PPP2R2B: variants seen among roughly 807,000 people sequenced by gnomAD.
PPP2R2B encodes protein phosphatase 2 regulatory subunit Bbeta.
Under a neutral mutation model 46.0 loss-of-function variants are expected in PPP2R2B, and 5 were observed. The observed-to-expected ratio is 0.11, with a 90% confidence interval of 0.06 to 0.23. The LOEUF (loss-of-function observed/expected upper bound fraction) is 0.23. Ranked by LOEUF, PPP2R2B falls within the 10% of genes least tolerant of loss-of-function variation. The probability of loss-of-function intolerance (pLI) is 1.00; values close to 1 mark genes in which losing one functional copy is unlikely to be tolerated. For synonymous variants in PPP2R2B, 215 were observed against 206.7 expected (o/e 1.04, Z -0.34); for missense variants, 367 against 575.0 (o/e 0.64, Z 3.70).
intron 2 of PPP2R2B, among the ~76,000 whole-genome samples, chr5:146,729,511 C>T (rs1031285677): frequency 6.6e-6 from 1 of 152,208 alleles, no homozygotes; most frequent in Admixed American, 6.5e-5. Context: ...TGTCTCCAGG[C>T]CATGTGAGAG....
chr5:147,009,888 C>T (rs1754631313), intron 1 of PPP2R2B, among the ~76,000 whole-genome samples: 1 of 145,682 alleles, frequency 6.9e-6, no homozygotes, highest in Non-Finnish European at 1.5e-5. Flanking sequence ...CACACACACA[C>T]ACACACACAC....
intron 2 of PPP2R2B, among the ~76,000 whole-genome samples, chr5:146,854,338 TA>T (rs1760522730): frequency 6.6e-6 from 1 of 152,210 alleles, no homozygotes; most frequent in Admixed American, 6.5e-5. Context: ...TGTGATATTT[TA>T]TTACATGCAT....
chr5:146,713,658 G>T (rs917481999), intron 2 of PPP2R2B, among the ~76,000 whole-genome samples: 2 of 152,086 alleles, frequency 1.3e-5, no homozygotes, highest in South Asian at 2.1e-4. Context: ...AAGAGAACTG[G>T]CTATTTTCTG....
At position 146,673,725 on chromosome 5, in the gene PPP2R2B, C is replaced by T. The variant is rs138126036; in HGVS notation, c.447+17403G>A. Among the ~76,000 whole-genome samples, 1,163 of 152,278 alleles carry T rather than the reference C, an allele frequency of 7.6e-3. 12 individuals carry two copies. Among genetic ancestry groups the T allele is most frequent in the African/African-American group, 0.012 (516 of 41,554 alleles). ...CATGAGACTTAACTGCAGCTTCTTC[C>T]CTAGAAAGGAGTGACTCCTGAGCAT... is the stretch of plus-strand genomic sequence containing the variant. On this transcript the variant is annotated intron_variant, in intron 5 of 9. Coordinates refer to ENST00000394411, the MANE Select transcript of PPP2R2B (RefSeq NM_181675.4).
chr5:146,768,805 T>A (rs1754654000), intron 2 of PPP2R2B, among the ~76,000 whole-genome samples: 1 of 152,176 alleles, frequency 6.6e-6, no homozygotes, highest in Non-Finnish European at 1.5e-5. Flanking sequence ...CGCATCTGCC[T>A]AGTGTTTCTG....
intron 5 of PPP2R2B, among the ~76,000 whole-genome samples, chr5:146,675,421 C>T (rs13164602): frequency 1.3e-5 from 2 of 152,060 alleles, no homozygotes; most frequent in African/African-American, 4.8e-5. Context: ...CCCTGGTATC[C>T]TGGACTGTGG....
At chr5:146,673,654 C>T (rs1368682310) in intron 5 of PPP2R2B, among the ~76,000 whole-genome samples, 6 of 152,070 alleles carry the variant, frequency 3.9e-5, no homozygotes, top group Admixed American at 6.6e-5. Context: ...TTGACTTTAA[C>T]AGCTTTCCAG....
chr5:146,964,651 G>A (rs1359406130), intron 1 of PPP2R2B, among the ~76,000 whole-genome samples: 6 of 151,914 alleles, frequency 3.9e-5, no homozygotes, highest in Admixed American at 6.6e-5. Flanking sequence ...TCAGCTTCCC[G>A]AGTAGCTGGG....
chr5:146,827,674 C>T (rs968772596), intron 2 of PPP2R2B, among the ~76,000 whole-genome samples: 2 of 152,064 alleles, frequency 1.3e-5, no homozygotes, highest in Non-Finnish European at 2.9e-5. Context: ...GAAATTTCTC[C>T]CATTCATTTA....
At chr5:146,805,299 T>C (rs1437004086) in intron 2 of PPP2R2B, among the ~76,000 whole-genome samples, 2 of 152,136 alleles carry the variant, frequency 1.3e-5, no homozygotes, top group Non-Finnish European at 2.9e-5. Flanking sequence ...TACCCAGCAA[T>C]GATGGCATGC....
At chr5:146,781,388 A>G (rs73322133) in intron 2 of PPP2R2B, among the ~76,000 whole-genome samples, 2,371 of 151,570 alleles carry the variant, frequency 0.016, 75 homozygotes, top group African/African-American at 0.055. Context: ...TCCTTGAAGA[A>G]GGCAACTTGA....
chr5:146,635,270 G>GTT (rs555527977), intron 7 of PPP2R2B, among the ~76,000 whole-genome samples: 4 of 142,732 alleles, frequency 2.8e-5, no homozygotes, highest in African/African-American at 5.1e-5. Flanking sequence ...AATCACTCTA[G>GTT]TTTTTTTTTT....
Position 146,663,833 on chromosome 5 carries a change from A to ATTAT in PPP2R2B, c.448-13113_448-13110dup, listed in dbSNP as rs552622400. Among the ~76,000 whole-genome samples, 1,034 of 151,780 alleles carry ATTAT rather than the reference A, an allele frequency of 6.8e-3. 25 individuals carry two copies. The highest frequency in any genetic ancestry group is 0.041 in the Admixed American group (625 of 15,192). On this transcript the variant is annotated intron_variant, in intron 5 of 9. Coordinates refer to ENST00000394411, the MANE Select transcript of PPP2R2B (RefSeq NM_181675.4). ...TGGCTGTTGCAATTTATTTTATTTT[A>ATTAT]TTATTTATTTATTTATTATTATTTT...
Position 146,750,905 on chromosome 5 carries a change from G to A in PPP2R2B, c.71-49763C>T, listed in dbSNP as rs149219613. Among the ~76,000 whole-genome samples, 19 of 152,168 alleles carry A rather than the reference G, an allele frequency of 1.2e-4. No individual in the cohort carries two copies. The East Asian group carries it at 3.7e-3, about 29-fold the overall frequency. ...CTCAGAATTAGAGACAACAAAGAAG[G>A]TCCCCACCCTCAGGGAACATACACT... On this transcript the variant is annotated intron_variant, in intron 2 of 9. Coordinates refer to ENST00000394411, the MANE Select transcript of PPP2R2B (RefSeq NM_181675.4).
At chr5:146,689,123 A>T (rs574219443) in intron 5 of PPP2R2B, among the ~76,000 whole-genome samples, 1 of 152,218 alleles carries the variant, frequency 6.6e-6, no homozygotes, top group Non-Finnish European at 1.5e-5. Context: ...GATGACGATG[A>T]TGTTATTAAT....
intron 2 of PPP2R2B, among the ~76,000 whole-genome samples, chr5:146,734,343 C>T (rs1222483380): frequency 1.3e-5 from 2 of 152,150 alleles, no homozygotes; most frequent in African/African-American, 2.4e-5. Flanking sequence ...AGGTATGAGC[C>T]TGGCCATTAG....
intron 2 of PPP2R2B, among the ~76,000 whole-genome samples, chr5:146,841,494 T>C (rs1759639749): frequency 6.6e-6 from 1 of 152,180 alleles, no homozygotes; most frequent in South Asian, 2.1e-4. Flanking sequence ...AACTTCCCTA[T>C]GGGCAAGACG....
chr5:146,800,281 G>A (rs1237126966), intron 2 of PPP2R2B, among the ~76,000 whole-genome samples: 1 of 151,888 alleles, frequency 6.6e-6, no homozygotes, highest in African/African-American at 2.4e-5. Flanking sequence ...CAAGCATTCT[G>A]GTGGGTAATT....
intron 1 of PPP2R2B, among the ~76,000 whole-genome samples, chr5:146,960,313 G>GGAGTCAAAAAAAAGTGACA (rs1168790930): frequency 7.0e-4 from 106 of 151,816 alleles, no homozygotes; most frequent in African/African-American, 2.4e-3. Flanking sequence ...TTTTTTTGAC[G>GGAGTCAAAAAAAAGTGACA]GAGTCTCACT....
Sources: allele counts gnomAD v4.1 joint callset (sites outside exome capture counted in the v4.1 genomes callset), GRCh38; gene constraint gnomAD v4.1.1; transcripts MANE v1.5; gene names NCBI Gene and HGNC (gene_info 2026-07-23, HGNC 2026-07-21).